Variants in TENM2 observed in about 807,000 individuals in gnomAD.
TENM2 encodes teneurin-2.
In TENM2, 52 loss-of-function variants were observed where a neutral mutation model predicts 245.2. The ratio of observed to expected loss-of-function variants is 0.21; its 90% confidence interval spans 0.17 to 0.27. TENM2 has a LOEUF of 0.27. Among genes scored for constraint, TENM2 ranks in the 10% least tolerant of loss-of-function variants. The pLI is 1.00. For synonymous variants in TENM2, 1,363 were observed against 1,438.9 expected (o/e 0.95, Z 1.19); for missense variants, 3,046 against 3,666.8 (o/e 0.83, Z 4.37).
chr5:167,866,607 G>T (rs762017495), intron 2 of TENM2, among the ~76,000 whole-genome samples: 4 of 152,124 alleles, frequency 2.6e-5, no homozygotes, highest in Non-Finnish European at 5.9e-5. Flanking sequence ...TTGTTTCGGC[G>T]TGTTTAGAGC....
intron 2 of TENM2, among the ~76,000 whole-genome samples, chr5:167,520,932 CTTTTTTT>C (rs374211778): frequency 4.6e-5 from 6 of 130,536 alleles, no homozygotes; most frequent in Non-Finnish European, 9.8e-5. Flanking sequence ...ATTCTTTTTC[CTTTTTTT>C]TTTTTTTTTT....
chr5:167,475,739 A>G (rs927478622), intron 2 of TENM2, among the ~76,000 whole-genome samples: 1 of 152,118 alleles, frequency 6.6e-6, no homozygotes, highest in African/African-American at 2.4e-5. Context: ...ATGAGTGAGA[A>G]CATGCAGTGT....
chr5:167,961,282 C>G (rs1224124936), intron 4 of TENM2, among the ~76,000 whole-genome samples: 1 of 152,134 alleles, frequency 6.6e-6, no homozygotes, highest in Non-Finnish European at 1.5e-5. Flanking sequence ...ATATGGTAAA[C>G]CATTAATAAA....
chr5:167,941,199 A>G (rs1392220626), intron 3 of TENM2, among the ~76,000 whole-genome samples: 1 of 152,264 alleles, frequency 6.6e-6, no homozygotes, highest in Non-Finnish European at 1.5e-5. Context: ...AATGAGCCAA[A>G]GAAACTTGAA....
chr5:167,836,984 G>T (rs753210750), intron 2 of TENM2, among the ~76,000 whole-genome samples: 4 of 151,864 alleles, frequency 2.6e-5, no homozygotes, highest in Non-Finnish European at 4.4e-5. Context: ...ATTTTCCTGA[G>T]TTGGGTAAAT....
chr5:168,138,595 G>C (rs1006807), intron 12 of TENM2, among the ~76,000 whole-genome samples: 119,196 of 152,182 alleles, frequency 0.78, 46,923 homozygotes, highest in East Asian at 1. Flanking sequence ...CCTTGGAACA[G>C]CTGGTTTCTA....
chr5:167,871,928 G>A (rs1772860147), intron 2 of TENM2, among the ~76,000 whole-genome samples: 1 of 152,086 alleles, frequency 6.6e-6, no homozygotes, highest in Non-Finnish European at 1.5e-5. Context: ...GATGGTCTCT[G>A]TCAGTTGGAA....
At chr5:167,596,629 T>G (rs139696908) in intron 2 of TENM2, among the ~76,000 whole-genome samples, 1 of 151,752 alleles carries the variant, frequency 6.6e-6, no homozygotes, top group African/African-American at 2.4e-5. Context: ...CCCCCGTCTG[T>G]ACTAAAAACA....
intron 2 of TENM2, among the ~76,000 whole-genome samples, chr5:167,836,436 C>G (rs1320615061): frequency 6.6e-6 from 1 of 152,196 alleles, no homozygotes; most frequent in African/African-American, 2.4e-5. Flanking sequence ...ATTGAGGTGG[C>G]AGCCTCTGTG....
At chr5:167,813,556 T>TC (rs1254751924) in intron 2 of TENM2, among the ~76,000 whole-genome samples, 2 of 152,062 alleles carry the variant, frequency 1.3e-5, no homozygotes, top group Non-Finnish European at 2.9e-5. Context: ...GCATTTTTTT[T>TC]CCTCTCTCTA....
intron 2 of TENM2, among the ~76,000 whole-genome samples, chr5:167,399,031 G>A (rs770046550): frequency 6.6e-6 from 1 of 152,078 alleles, no homozygotes; most frequent in Admixed American, 6.6e-5. Flanking sequence ...CTCTTGAATC[G>A]ATCCGACATT....
chr5:167,526,360 G>GCACA (rs72349867), intron 2 of TENM2, among the ~76,000 whole-genome samples: 55,546 of 143,918 alleles, frequency 0.39, 11,985 homozygotes, highest in Non-Finnish European at 0.49. Flanking sequence ...TTAAGAAATA[G>GCACA]CACACACACA....
At chr5:167,897,585 T>A (rs1407805053) in intron 3 of TENM2, among the ~76,000 whole-genome samples, 1 of 152,192 alleles carries the variant, frequency 6.6e-6, no homozygotes, top group African/African-American at 2.4e-5. Context: ...AATACAGACT[T>A]ATCTGCCTGC....
intron 2 of TENM2, among the ~76,000 whole-genome samples, chr5:167,723,205 G>C (rs1759755101): frequency 1.3e-5 from 2 of 152,106 alleles, no homozygotes; most frequent in Non-Finnish European, 2.9e-5. Context: ...CCAAGGTGCT[G>C]GGCTTATTTT....
At chr5:167,130,548 C>T in the TENM2 span, among the ~76,000 whole-genome samples, 1 of 152,272 alleles carries the variant, frequency 6.6e-6, no homozygotes, top group East Asian at 1.9e-4. Context: ...AGTCCACGCT[C>T]TCAAGCCTAA....
chr5:168,074,866 A>G (rs1382625808), intron 7 of TENM2, among the ~76,000 whole-genome samples: 1 of 152,186 alleles, frequency 6.6e-6, no homozygotes, highest in Non-Finnish European at 1.5e-5. Context: ...ATCCTCCTTC[A>G]TGCTTTATGC....
chr5:167,924,126 G>T (rs1391248399), intron 3 of TENM2, among the ~76,000 whole-genome samples: 1 of 152,160 alleles, frequency 6.6e-6, no homozygotes, highest in African/African-American at 2.4e-5. Context: ...CTTCATTTTA[G>T]CTCAGGGATC....
chr5:168,136,869 A>G (rs1755099539), intron 12 of TENM2, among the ~76,000 whole-genome samples: 1 of 152,190 alleles, frequency 6.6e-6, no homozygotes, highest in African/African-American at 2.4e-5. Flanking sequence ...CATTTAGGTT[A>G]AGGGTTGCCT....
intron 2 of TENM2, among the ~76,000 whole-genome samples, chr5:167,539,392 A>T (rs1288434988): frequency 6.6e-6 from 1 of 151,718 alleles, no homozygotes; most frequent in East Asian, 1.9e-4. Flanking sequence ...CATGCAATTA[A>T]TGAAATTCAA....
Sources: gnomAD v4.1 joint callset for allele counts (sites outside exome capture counted in the v4.1 genomes callset) on GRCh38, gnomAD v4.1.1 for gene constraint, MANE v1.5 for transcripts, NCBI Gene and HGNC (gene_info 2026-07-23, HGNC 2026-07-21) for gene names.